Variants in MCTP1 observed in about 807,000 individuals in gnomAD.
MCTP1 encodes the protein multiple C2 and transmembrane domain containing 1.
A neutral mutation model predicts 120.6 loss-of-function variants in MCTP1; 69 were observed. The observed-to-expected ratio is 0.57, with a 90% confidence interval of 0.47 to 0.70. The LOEUF (loss-of-function observed/expected upper bound fraction) is 0.70, where lower values mean the gene tolerates loss of function less well. Among genes scored for constraint, MCTP1 ranks in the 30% least tolerant of loss-of-function variants. The pLI, the probability that MCTP1 is intolerant of heterozygous loss-of-function variation, is 0.00. For synonymous variants in MCTP1, 529 were observed against 493.1 expected, an observed-to-expected ratio of 1.07 and a Z score of -0.96; for missense variants, 1,203 against 1,248.8, an observed-to-expected ratio of 0.96 and a Z score of 0.55.
intron 1 of MCTP1, among the ~76,000 whole-genome samples, chr5:95,232,461 T>A (rs867808447): frequency 4.7e-5 from 7 of 147,852 alleles, no homozygotes; most frequent in Non-Finnish European, 1.0e-4. Flanking sequence ...AATTTAATTT[T>A]TTTTTTTTTT....
intron 2 of MCTP1, among the ~76,000 whole-genome samples, chr5:94,987,408 G>C (rs181258518): frequency 6.6e-6 from 1 of 152,124 alleles, no homozygotes; most frequent in Admixed American, 6.6e-5. Context: ...GCAAATGCTC[G>C]TGGAATTGAT....
chr5:95,054,972 T>C (rs922476421), intron 1 of MCTP1, among the ~76,000 whole-genome samples: 5 of 152,116 alleles, frequency 3.3e-5, no homozygotes, highest in African/African-American at 1.2e-4. Flanking sequence ...CACACCTGGC[T>C]AATTTTTGTA....
At chr5:95,066,346 T>G (rs1296346881) in intron 1 of MCTP1, among the ~76,000 whole-genome samples, 1 of 152,172 alleles carries the variant, frequency 6.6e-6, no homozygotes, top group East Asian at 1.9e-4. Context: ...AGACAAGAGA[T>G]AACTAGTGTT....
chr5:94,822,669 C>T (rs903823587), intron 17 of MCTP1, among the ~76,000 whole-genome samples: 3 of 151,718 alleles, frequency 2.0e-5, no homozygotes, highest in African/African-American at 7.3e-5. Flanking sequence ...AATTTACACT[C>T]CCAACAGTGT....
At chr5:95,190,172 A>G (rs1287919152) in intron 1 of MCTP1, among the ~76,000 whole-genome samples, 2 of 152,086 alleles carry the variant, frequency 1.3e-5, no homozygotes, top group Non-Finnish European at 2.9e-5. Context: ...CCTGAAAGGG[A>G]AATCTGGTAA....
At chr5:94,836,794 A>G (rs1789887265) in intron 17 of MCTP1, among the ~76,000 whole-genome samples, 1 of 152,230 alleles carries the variant, frequency 6.6e-6, no homozygotes, top group South Asian at 2.1e-4. Context: ...TAAGCAAGGT[A>G]ATTATTAGAT....
intron 2 of MCTP1, among the ~76,000 whole-genome samples, chr5:95,003,255 A>G (rs1834075216): frequency 6.6e-6 from 1 of 152,140 alleles, no homozygotes; most frequent in African/African-American, 2.4e-5. Flanking sequence ...TATCTTTTAT[A>G]TCATATTTCT....
intron 1 of MCTP1, among the ~76,000 whole-genome samples, chr5:95,040,131 T>G (rs185302179): frequency 1.2e-3 from 190 of 152,284 alleles, no homozygotes; most frequent in African/African-American, 4.3e-3. Context: ...GAAATTGTTC[T>G]GCTTCTAACA....
At chr5:94,843,747 A>G (rs1268434492) in intron 17 of MCTP1, among the ~76,000 whole-genome samples, 2 of 152,226 alleles carry the variant, frequency 1.3e-5, no homozygotes, top group Non-Finnish European at 2.9e-5. Flanking sequence ...GAAGTGTCAC[A>G]TAAATGCAAG....
chr5:95,028,616 C>CCT (rs1303175639), intron 1 of MCTP1, among the ~76,000 whole-genome samples: 5 of 152,172 alleles, frequency 3.3e-5, no homozygotes, highest in Non-Finnish European at 7.4e-5. Flanking sequence ...CCTACACATA[C>CCT]AGTATATAAA....
At chr5:94,936,971 C>T (rs1029383744) in intron 5 of MCTP1, among the ~76,000 whole-genome samples, 7 of 152,104 alleles carry the variant, frequency 4.6e-5, no homozygotes, top group Middle Eastern at 3.4e-3. Flanking sequence ...ATTGTACCCA[C>T]GAGGATGAGC....
intron 1 of MCTP1, among the ~76,000 whole-genome samples, chr5:95,195,573 G>A (rs1247608768): frequency 6.6e-6 from 1 of 152,112 alleles, no homozygotes; most frequent in Non-Finnish European, 1.5e-5. Context: ...AGCAGAAAGG[G>A]TTTCAGGAGC....
At chr5:94,873,109 G>T in intron 13 of MCTP1, 30 bp downstream of exon 13, 2 of 1,231,894 alleles carry the variant, frequency 1.6e-6, no homozygotes, top group South Asian at 1.2e-5. Flanking sequence ...CACAATTTTG[G>T]ATTCAGAGCC....
intron 11 of MCTP1, among the ~76,000 whole-genome samples, chr5:94,889,402 G>A (rs1408085147): frequency 6.6e-6 from 1 of 151,872 alleles, no homozygotes; most frequent in Non-Finnish European, 1.5e-5. Flanking sequence ...GCTTGGCCAA[G>A]ATGATGAAAC....
At chr5:94,765,832 GAAA>G (rs147715216) in intron 19 of MCTP1, among the ~76,000 whole-genome samples, 1 of 143,422 alleles carries the variant, frequency 7.0e-6, no homozygotes, top group African/African-American at 2.5e-5. Flanking sequence ...CCAAGAGGGG[GAAA>G]AAAAAAAGAC....
At chr5:94,732,945 A>AG (rs1763407508) in intron 19 of MCTP1, among the ~76,000 whole-genome samples, 1 of 152,208 alleles carries the variant, frequency 6.6e-6, no homozygotes, top group Non-Finnish European at 1.5e-5. Context: ...TCATTCAGGT[A>AG]TGGTTTATAA....
chr5:95,166,666 C>A (rs1276260731), intron 1 of MCTP1, among the ~76,000 whole-genome samples: 1 of 148,718 alleles, frequency 6.7e-6, no homozygotes, highest in Non-Finnish European at 1.5e-5. Context: ...CTCCCGGGTT[C>A]ACGCCATTCT....
intron 17 of MCTP1, among the ~76,000 whole-genome samples, chr5:94,840,079 C>T (rs894522090): frequency 2.6e-5 from 4 of 152,084 alleles, no homozygotes; most frequent in Non-Finnish European, 5.9e-5. Context: ...TACAGAGCCC[C>T]GTCCTTTGAA....
chr5:95,107,177 T>G (rs1757143149), intron 1 of MCTP1, among the ~76,000 whole-genome samples: 1 of 152,230 alleles, frequency 6.6e-6, no homozygotes, highest in Non-Finnish European at 1.5e-5. Flanking sequence ...TTTTGTATTT[T>G]AAATAATTTA....
Sources: gnomAD v4.1 joint callset for allele counts (sites outside exome capture counted in the v4.1 genomes callset) on GRCh38, gnomAD v4.1.1 for gene constraint, MANE v1.5 for transcripts, NCBI Gene and HGNC (gene_info 2026-07-23, HGNC 2026-07-21) for gene names.